Variants in BLOC1S6 observed in about 807,000 individuals in gnomAD.
BLOC1S6 encodes biogenesis of lysosome-related organelles complex 1 subunit 6.
In BLOC1S6, 24 loss-of-function variants were observed where a neutral mutation model predicts 24.7. That is an observed-to-expected ratio of 0.97 (90% CI 0.70 to 1.37). The LOEUF is 1.37. Ranked by LOEUF, BLOC1S6 falls within the 40% of genes most tolerant of loss-of-function variation. The pLI, the probability that BLOC1S6 is intolerant of heterozygous loss-of-function variation, is 0.00. For synonymous variants in BLOC1S6, 76 were observed against 72.6 expected, an observed-to-expected ratio of 1.05 and a Z score of -0.23; for missense variants, 175 against 196.2, an observed-to-expected ratio of 0.89 and a Z score of 0.64.
At chr15:45,592,070 A>T in intron 1 of BLOC1S6, 65 bp from the exon 2 acceptor site, 1 of 1,566,556 alleles carries the variant, frequency 6.4e-7, no homozygotes. Flanking sequence ...CCACTGCTTC[A>T]GTTGACCAGC....
intron 2 of BLOC1S6, among the ~76,000 whole-genome samples, chr15:45,594,653 G>A (rs1440545217): frequency 1.3e-5 from 2 of 151,528 alleles, no homozygotes; most frequent in East Asian, 1.9e-4. Context: ...GTGGGATCTC[G>A]GCTCACTGCA....
intron 2 of BLOC1S6, chr15:45,598,095 T>G (rs547957675): frequency 1.7e-4 from 26 of 157,460 alleles, no homozygotes; most frequent in Admixed American, 2.6e-4. Flanking sequence ...ACCACATGAT[T>G]ATCTCAATAG....
intron 2 of BLOC1S6, among the ~76,000 whole-genome samples, chr15:45,595,903 G>A (rs984449876): frequency 6.6e-6 from 1 of 152,134 alleles, no homozygotes; most frequent in African/African-American, 2.4e-5. Flanking sequence ...TGCCTCCTGG[G>A]TTCAAGCGAT....
intron 1 of BLOC1S6, 82 bp downstream of exon 1, chr15:45,587,607 C>G (rs1893725268): frequency 7.2e-7 from 1 of 1,381,024 alleles, no homozygotes; most frequent in Non-Finnish European, 9.9e-7. Flanking sequence ...CGGAGAAACC[C>G]TGGGGGAGTA....
Position 45,607,823 on chromosome 15 carries a change from C to T in BLOC1S6, c.*1309C>T, listed in dbSNP as rs1047369958. On this transcript the variant is annotated 3_prime_UTR_variant, in exon 5 of 5. Transcript: ENST00000220531. ...GAAGTGGAATGATGTACACCAAATA[C>T]CCACTTTATAGATAATTACAGGGAT... is the stretch of plus-strand genomic sequence containing the variant. 9 of 152,068 alleles carry T rather than the reference C, an allele frequency of 5.9e-5. No individual in the cohort carries two copies. The highest frequency in any genetic ancestry group is 1.2e-4 in the Non-Finnish European group (8 of 68,020). 9.4% of individuals were successfully genotyped at this position (152,068 alleles called of 1,614,324 possible).
At position 45,592,239 on chromosome 15, in the gene BLOC1S6, G is replaced by T. The variant is rs746059095; in HGVS notation, c.187G>T (p.Asp63Tyr). The T allele has an allele frequency of 3.7e-6, 6 of 1,613,964 alleles. No homozygotes were observed. In the African/African-American group the frequency reaches 6.7e-5, roughly 18 times the overall value. The part of the protein sequence containing the change: ...AEGLLSHYLP[D>Y]LQRSKQALQE... Reference sequence around the variant, plus strand: ...AGGATTGCTTTCTCATTATTTGCCAGATCTGCAGAGATCAAAACAAGCCCT... The same window carrying T: ...AGGATTGCTTTCTCATTATTTGCCATATCTGCAGAGATCAAAACAAGCCCT... Residue 63 changes from aspartate (D) to tyrosine (Y), a missense_variant, in exon 2 of 5, where the codon GAT (aspartate) becomes TAT (tyrosine). Transcript: ENST00000220531.
At chr15:45,599,786 A>G (rs1894205058) in intron 2 of BLOC1S6, among the ~76,000 whole-genome samples, 15 of 94,312 alleles carry the variant, frequency 1.6e-4, no homozygotes, top group Middle Eastern at 4.3e-3. Context: ...TTCCTCAGGG[A>G]TCTAGAACTA....
intron 2 of BLOC1S6, among the ~76,000 whole-genome samples, chr15:45,596,674 T>G (rs1894089493): frequency 6.6e-6 from 1 of 151,712 alleles, no homozygotes; most frequent in Non-Finnish European, 1.5e-5. Flanking sequence ...AGCTTTTTGT[T>G]GTTGTCATTG....
chr15:45,594,895 G>A (rs1462102930), intron 2 of BLOC1S6, among the ~76,000 whole-genome samples: 2 of 152,002 alleles, frequency 1.3e-5, no homozygotes, highest in African/African-American at 4.8e-5. Flanking sequence ...ACATTCTCTG[G>A]AACCTTCTTT....
chr15:45,587,782 T>G, intron 1 of BLOC1S6: 1 of 702,556 alleles, frequency 1.4e-6, no homozygotes, highest in Non-Finnish European at 2.6e-6. Context: ...ATTCTGAGTT[T>G]ATGTGTTGAC....
In BLOC1S6 at chr15:45,600,687, A is replaced by AC. The variant is rs1894241664; in HGVS notation, c.225-2413_225-2412insC. Among the ~76,000 whole-genome samples, 3 of 152,202 alleles carry AC rather than the reference A, an allele frequency of 2.0e-5. No homozygotes were observed. In the South Asian group the frequency reaches 6.2e-4, roughly 31 times the overall value. On this transcript the variant is annotated intron_variant, in intron 2 of 4. Transcript: ENST00000220531. The stretch of plus-strand genomic sequence containing the variant: ...TTGTGGTATGTAATTCTTTTTACAC[A>AC]TTGTTGGATTCAATTTGCTAATATT...
intron 2 of BLOC1S6, chr15:45,597,812 A>AATGATCTGG (rs1894131950): frequency 4.0e-6 from 1 of 252,576 alleles, no homozygotes; most frequent in Non-Finnish European, 8.3e-6. Context: ...CTGGGAACAA[A>AATGATCTGG]GACAGTATTA....
intron 1 of BLOC1S6, among the ~76,000 whole-genome samples, chr15:45,589,235 G>T (rs1320822751): frequency 2.6e-5 from 4 of 152,202 alleles, no homozygotes; most frequent in African/African-American, 9.7e-5. Context: ...TGTTTTAAAA[G>T]TTGCAGAATG....
At chr15:45,587,324 C>T (rs2304898), upstream of BLOC1S6, 720 of 1,001,654 alleles carry the variant, frequency 7.2e-4, 7 homozygotes, top group East Asian at 0.016. Flanking sequence ...TTTTTTCGCC[C>T]CCGTCACTTC....
chr15:45,603,317 G>C, intron 3 of BLOC1S6, 130 bp downstream of exon 3: 1 of 620,886 alleles, frequency 1.6e-6, no homozygotes, highest in East Asian at 3.0e-5. Context: ...TTGAACTTCT[G>C]TTGTGTTGAA....
chr15:45,591,451 G>C (rs1893881740), intron 1 of BLOC1S6, among the ~76,000 whole-genome samples: 1 of 151,650 alleles, frequency 6.6e-6, no homozygotes, highest in South Asian at 2.1e-4. Flanking sequence ...TTATTTTTTT[G>C]AGACAGGGTC....
intron 1 of BLOC1S6, among the ~76,000 whole-genome samples, chr15:45,588,789 T>C (rs1893780618): frequency 6.6e-6 from 1 of 152,240 alleles, no homozygotes; most frequent in African/African-American, 2.4e-5. Context: ...ATGCTGCATA[T>C]GCCCCATGCC....
chr15:45,603,228 CT>C, intron 3 of BLOC1S6, 41 bp downstream of exon 3: 1 of 1,343,770 alleles, frequency 7.4e-7, no homozygotes, highest in Non-Finnish European at 1.1e-6. Flanking sequence ...GACATCTTGT[CT>C]TAGCAATAGC....
At chr15:45,598,976 C>A (rs1442764349) in intron 2 of BLOC1S6, 4 of 78,098 alleles carry the variant, frequency 5.1e-5, no homozygotes, top group African/African-American at 1.1e-4. Context: ...GTACTGGTAC[C>A]AAAACAGAGA....
Sources: allele counts gnomAD v4.1 joint callset (sites outside exome capture counted in the v4.1 genomes callset), GRCh38; gene constraint gnomAD v4.1.1; transcripts MANE v1.5; gene names NCBI Gene and HGNC (gene_info 2026-07-23, HGNC 2026-07-21).